The following PPP3CA variants were observed in gnomAD, a reference collection of about 807,000 sequenced individuals.
PPP3CA encodes the protein protein phosphatase 3 catalytic subunit alpha, also known as CAM-PRP catalytic subunit.
A neutral mutation model predicts 66.5 loss-of-function variants in PPP3CA; 14 were observed. That is an observed-to-expected ratio of 0.21 (90% CI 0.14 to 0.33). PPP3CA has a LOEUF of 0.33. PPP3CA is among the 10% of genes least tolerant of loss of function. The probability of loss-of-function intolerance (pLI) is 1.00; values close to 1 mark genes in which losing one functional copy is unlikely to be tolerated. For missense variants in PPP3CA, 317 were observed against 639.5 expected, an observed-to-expected ratio of 0.50 and a Z score of 5.44; for synonymous variants, 232 against 226.2, an observed-to-expected ratio of 1.03 and a Z score of -0.23.
At chr4:101,201,589 C>T (rs1724968741) in intron 1 of PPP3CA, among the ~76,000 whole-genome samples, 1 of 152,230 alleles carries the variant, frequency 6.6e-6, no homozygotes, top group African/African-American at 2.4e-5. Context: ...ACAACAGATG[C>T]AATGTCTTCG....
intron 2 of PPP3CA, among the ~76,000 whole-genome samples, chr4:101,171,971 T>A (rs1723897363): frequency 6.6e-6 from 1 of 152,192 alleles, no homozygotes; most frequent in African/African-American, 2.4e-5. Context: ...ATTCAATGAA[T>A]GAATGATAGT....
At chr4:101,320,806 C>T (rs962325021) in intron 1 of PPP3CA, among the ~76,000 whole-genome samples, 1 of 151,964 alleles carries the variant, frequency 6.6e-6, no homozygotes, top group Non-Finnish European at 1.5e-5. Context: ...TCAGAATCTT[C>T]GGGAGAGATT....
intron 2 of PPP3CA, among the ~76,000 whole-genome samples, chr4:101,172,258 T>C (rs544541265): frequency 2.0e-5 from 3 of 152,234 alleles, no homozygotes; most frequent in South Asian, 2.1e-4. Context: ...ACCAGAGAGA[T>C]TGGTCCAAAT....
At chr4:101,162,173 G>A (rs551603966) in intron 2 of PPP3CA, among the ~76,000 whole-genome samples, 3 of 152,202 alleles carry the variant, frequency 2.0e-5, no homozygotes, top group South Asian at 4.1e-4. Context: ...CTAGGAGGGG[G>A]AGGTTGTGGT....
At chr4:101,193,954 C>G (rs1234057501) in intron 2 of PPP3CA, among the ~76,000 whole-genome samples, 1 of 152,064 alleles carries the variant, frequency 6.6e-6, no homozygotes, top group Non-Finnish European at 1.5e-5. Context: ...GAGGGAAGGA[C>G]TAGAGGAAAA....
rs182761821 is a variant in PPP3CA, at chr4:101,136,879, T to C, written c.260-27801A>G. Among the ~76,000 whole-genome samples, 5 of 152,254 alleles carry C rather than the reference T, an allele frequency of 3.3e-5. No homozygotes were observed. In the East Asian group the frequency reaches 7.8e-4, roughly 24 times the overall value. On this transcript the variant is annotated intron_variant, in intron 2 of 13. Transcript: ENST00000394854. Reference sequence around the variant, plus strand: ...CATTTAGTTACTTGAAGACATTAAATAGCAATTAAACTCAACATACGTGGT... The same window carrying C: ...CATTTAGTTACTTGAAGACATTAAACAGCAATTAAACTCAACATACGTGGT...
chr4:101,251,358 T>A (rs888465052), intron 1 of PPP3CA, among the ~76,000 whole-genome samples: 1 of 152,002 alleles, frequency 6.6e-6, no homozygotes, highest in African/African-American at 2.4e-5. Flanking sequence ...TCTTTACTTA[T>A]GTTTTGCTAA....
At chr4:101,146,975 C>T (rs939008937) in intron 2 of PPP3CA, among the ~76,000 whole-genome samples, 2 of 152,162 alleles carry the variant, frequency 1.3e-5, no homozygotes, top group Non-Finnish European at 2.9e-5. Context: ...ATTAGGGATG[C>T]TTAAACTGTA....
chr4:101,215,408 C>T (rs990425356), intron 1 of PPP3CA, among the ~76,000 whole-genome samples: 1 of 152,036 alleles, frequency 6.6e-6, no homozygotes, highest in Non-Finnish European at 1.5e-5. Flanking sequence ...GCTTTAATTA[C>T]ATGCATTATT....
chr4:101,172,434 A>G (rs1723914804), intron 2 of PPP3CA, among the ~76,000 whole-genome samples: 1 of 152,200 alleles, frequency 6.6e-6, no homozygotes, highest in South Asian at 2.1e-4. Context: ...TACATTAATT[A>G]CCAAATTGTG....
chr4:101,309,866 C>T (rs1214964525), intron 1 of PPP3CA, among the ~76,000 whole-genome samples: 1 of 152,064 alleles, frequency 6.6e-6, no homozygotes, highest in Non-Finnish European at 1.5e-5. Flanking sequence ...AAATAGTGTG[C>T]TACACATTCC....
At chr4:101,044,329 T>C (rs1031181409) in intron 10 of PPP3CA, among the ~76,000 whole-genome samples, 3 of 152,324 alleles carry the variant, frequency 2.0e-5, no homozygotes, top group Admixed American at 2.0e-4. Flanking sequence ...TAAGTACATG[T>C]TTTTCAGAAT....
At chr4:101,241,734 T>C (rs1726317149) in intron 1 of PPP3CA, among the ~76,000 whole-genome samples, 1 of 152,058 alleles carries the variant, frequency 6.6e-6, no homozygotes, top group Admixed American at 6.6e-5. Context: ...TTAAATTACT[T>C]AAACTAAAAT....
chr4:101,341,202 C>CT (rs1729803979), intron 1 of PPP3CA, among the ~76,000 whole-genome samples: 1 of 48,414 alleles, frequency 2.1e-5, no homozygotes, highest in African/African-American at 1.2e-4. Context: ...TTCTTTTTTT[C>CT]TTTTTCTTTT....
intron 2 of PPP3CA, among the ~76,000 whole-genome samples, chr4:101,183,759 T>C (rs1186946314): frequency 6.6e-6 from 1 of 152,192 alleles, no homozygotes; most frequent in Non-Finnish European, 1.5e-5. Flanking sequence ...TGATGTTGTG[T>C]GAAAGACAGA....
At chr4:101,113,851 C>T (rs555385115) in intron 2 of PPP3CA, among the ~76,000 whole-genome samples, 1 of 152,080 alleles carries the variant, frequency 6.6e-6, no homozygotes, top group East Asian at 1.9e-4. Context: ...GCACAATATG[C>T]CAATGCCAAC....
chr4:101,324,779 C>CA (rs1441526728), intron 1 of PPP3CA, among the ~76,000 whole-genome samples: 2 of 151,936 alleles, frequency 1.3e-5, no homozygotes, highest in Non-Finnish European at 2.9e-5. Flanking sequence ...TTCAGTCTTG[C>CA]AAAAAAGGAA....
intron 1 of PPP3CA, among the ~76,000 whole-genome samples, chr4:101,222,695 T>G (rs1281423267): frequency 5.9e-5 from 9 of 151,700 alleles, no homozygotes; most frequent in Non-Finnish European, 1.0e-4. Context: ...ATCATTTACA[T>G]CAAAGATAGG....
At chr4:101,067,781 G>A (rs1368277748) in intron 8 of PPP3CA, among the ~76,000 whole-genome samples, 5 of 150,376 alleles carry the variant, frequency 3.3e-5, no homozygotes, top group Admixed American at 6.6e-5. Flanking sequence ...AAACCTGCAC[G>A]TTGTGCACAT....
Sources: allele counts gnomAD v4.1 joint callset (sites outside exome capture counted in the v4.1 genomes callset), GRCh38; gene constraint gnomAD v4.1.1; transcripts MANE v1.5; gene names NCBI Gene and HGNC (gene_info 2026-07-23, HGNC 2026-07-21).